The following ZFAT variants were observed in gnomAD, a reference collection of about 807,000 sequenced individuals.
ZFAT encodes the protein zinc finger protein ZFAT.
A neutral mutation model predicts 117.7 loss-of-function variants in ZFAT; 64 were observed. The observed-to-expected ratio is 0.54, with a 90% CI of 0.44 to 0.67. ZFAT has a LOEUF of 0.67. Among genes scored for constraint, ZFAT ranks in the 30% least tolerant of loss-of-function variants. The pLI is 0.00. For synonymous variants in ZFAT, 679 were observed against 615.0 expected, an observed-to-expected ratio of 1.10 and a Z score of -1.54; for missense variants, 1,433 against 1,584.5, an observed-to-expected ratio of 0.90 and a Z score of 1.62.
intron 3 of ZFAT, among the ~76,000 whole-genome samples, chr8:134,633,902 C>T (rs546613206): frequency 2.6e-5 from 4 of 152,120 alleles, no homozygotes; most frequent in East Asian, 1.9e-4. Flanking sequence ...AAAAATTAGC[C>T]GGGCGTGGTG....
intron 11 of ZFAT, among the ~76,000 whole-genome samples, chr8:134,555,742 C>T (rs138419752): frequency 1.3e-5 from 2 of 151,478 alleles, no homozygotes; most frequent in South Asian, 2.1e-4. Flanking sequence ...AACTGATGTG[C>T]AGGTGCCCCA....
At chr8:134,493,919 A>G (rs1296872308) in intron 15 of ZFAT, among the ~76,000 whole-genome samples, 1 of 152,260 alleles carries the variant, frequency 6.6e-6, no homozygotes, top group African/African-American at 2.4e-5. Context: ...AGCTGTGCTA[A>G]AACAGTTCAG....
At chr8:134,579,738 G>A (rs1046525678) in intron 10 of ZFAT, among the ~76,000 whole-genome samples, 14 of 152,200 alleles carry the variant, frequency 9.2e-5, no homozygotes, top group Non-Finnish European at 1.5e-4. Flanking sequence ...ATCGCTTGAG[G>A]TCAGGAGTTC....
chr8:134,788,964 G>A, the ZFAT span, among the ~76,000 whole-genome samples: 1 of 151,730 alleles, frequency 6.6e-6, no homozygotes, highest in Non-Finnish European at 1.5e-5. Flanking sequence ...TGTATTTAAA[G>A]TATGCCTCTT....
chr8:134,674,387 A>C (rs1832696037), intron 1 of ZFAT, among the ~76,000 whole-genome samples: 2 of 152,184 alleles, frequency 1.3e-5, no homozygotes, highest in East Asian at 1.9e-4. Context: ...TCTGAGGCCA[A>C]CCTGGGATGC....
chr8:134,697,201 G>A (rs994086953), intron 1 of ZFAT, among the ~76,000 whole-genome samples: 29 of 152,088 alleles, frequency 1.9e-4, no homozygotes, highest in East Asian at 7.9e-4. Context: ...TGCAACCTCC[G>A]CCTCCCTGGT....
At chr8:134,516,346 G>T (rs1820250811) in intron 13 of ZFAT, among the ~76,000 whole-genome samples, 1 of 152,090 alleles carries the variant, frequency 6.6e-6, no homozygotes, top group South Asian at 2.1e-4. Context: ...TTTGGATGGT[G>T]GTCTCTTTTA....
At chr8:134,614,079 A>T (rs1328375078) in intron 3 of ZFAT, among the ~76,000 whole-genome samples, 1 of 152,186 alleles carries the variant, frequency 6.6e-6, no homozygotes, top group Non-Finnish European at 1.5e-5. Context: ...TAGACCCTAG[A>T]GGAACTGTTT....
At chr8:134,796,051 G>A in the ZFAT span, 1 of 152,202 alleles carries the variant, frequency 6.6e-6, no homozygotes, top group African/African-American at 2.4e-5. Context: ...ATTCCCAGAG[G>A]GTGGTGCACC....
rs149240061 is a variant in ZFAT at position 134,533,179 on chromosome 8, C to T, written c.2977-207G>A. 2.2e-3 allele frequency among the ~76,000 whole-genome samples: 336 copies of T among 152,300 alleles called. 1 individual carries two copies. The highest frequency in any genetic ancestry group is 0.017 in the Middle Eastern group (5 of 294). ...AACCAAGGGACCGGGACAAGGTGCC[C>T]CAGAGGAGGAGCTGTCTCTACTAAG... On this transcript the variant is annotated intron_variant, in intron 11 of 15. Coordinates refer to ENST00000377838, the MANE Select transcript of ZFAT (RefSeq NM_020863.4).
chr8:134,624,218 A>ACC (rs1554605685), intron 3 of ZFAT, among the ~76,000 whole-genome samples: 31 of 140,908 alleles, frequency 2.2e-4, no homozygotes, highest in South Asian at 4.6e-4. Context: ...ACACACACAC[A>ACC]CCCTTAACTC....
chr8:134,510,574 CAGTGGCG>C, intron 14 of ZFAT: 2 of 168,284 alleles, frequency 1.2e-5, no homozygotes, highest in Admixed American at 5.8e-5. Context: ...GTGGCTGAGG[CAGTGGCG>C]GACTTATATT....
At chr8:134,635,209 C>T (rs1432282192) in intron 3 of ZFAT, among the ~76,000 whole-genome samples, 3 of 152,128 alleles carry the variant, frequency 2.0e-5, no homozygotes, top group South Asian at 2.1e-4. Context: ...GACTGGGGAA[C>T]GGCCACAGAC....
chr8:134,673,042 G>C (rs1782202929), intron 1 of ZFAT: 1 of 152,190 alleles, frequency 6.6e-6, no homozygotes, highest in African/African-American at 2.4e-5. Context: ...ATCTCTGTGG[G>C]AAGTGGTTCT....
At chr8:134,782,310 A>T in the ZFAT span, among the ~76,000 whole-genome samples, 1 of 152,218 alleles carries the variant, frequency 6.6e-6, no homozygotes, top group Non-Finnish European at 1.5e-5. Context: ...TACAGTCCTT[A>T]TATCTTTATT....
the ZFAT span, among the ~76,000 whole-genome samples, chr8:134,769,861 C>T: frequency 3.9e-5 from 6 of 152,260 alleles, no homozygotes; most frequent in South Asian, 2.1e-4. Context: ...ACAGGCTCAA[C>T]GCCATGTGGA....
the ZFAT span, among the ~76,000 whole-genome samples, chr8:134,774,054 G>A: frequency 1.1e-4 from 15 of 133,836 alleles, no homozygotes; most frequent in African/African-American, 2.8e-4. Context: ...GGAGTGCAGC[G>A]GCACGATCTC....
chr8:134,690,068 C>A (rs1256738364), intron 1 of ZFAT, among the ~76,000 whole-genome samples: 1 of 152,164 alleles, frequency 6.6e-6, no homozygotes, highest in African/African-American at 2.4e-5. Context: ...TCTTCAACAG[C>A]CAGTGTGTTA....
At chr8:134,740,433 T>C in the ZFAT span, among the ~76,000 whole-genome samples, 1 of 152,348 alleles carries the variant, frequency 6.6e-6, no homozygotes, top group African/African-American at 2.4e-5. Context: ...GTTTAATTAC[T>C]CAAACTTTCT....
Sources: gnomAD v4.1 joint callset for allele counts (sites outside exome capture counted in the v4.1 genomes callset) on GRCh38, gnomAD v4.1.1 for gene constraint, MANE v1.5 for transcripts, NCBI Gene and HGNC (gene_info 2026-07-23, HGNC 2026-07-21) for gene names.